Variants in SOX5 observed in about 807,000 individuals in gnomAD.
The protein encoded by SOX5 is SRY-box transcription factor 5.
A neutral mutation model predicts 92.0 loss-of-function variants in SOX5; 9 were observed. That is an observed-to-expected ratio of 0.10 (90% CI 0.06 to 0.17). SOX5 has a LOEUF of 0.17. Among genes scored for constraint, SOX5 ranks in the 10% least tolerant of loss-of-function variants. The pLI is 1.00. For missense variants in SOX5, 642 were observed against 944.5 expected (o/e 0.68, Z 4.20); for synonymous variants, 344 against 336.3 (o/e 1.02, Z -0.25).
At chr12:23,771,886 C>T (rs1469054635) in intron 3 of SOX5, among the ~76,000 whole-genome samples, 1 of 152,122 alleles carries the variant, frequency 6.6e-6, no homozygotes, top group Non-Finnish European at 1.5e-5. Flanking sequence ...CTGCTTTAAC[C>T]CACCTTGGTA....
intron 5 of SOX5, among the ~76,000 whole-genome samples, chr12:23,739,011 G>A (rs1215267255): frequency 6.6e-6 from 1 of 152,182 alleles, no homozygotes; most frequent in Non-Finnish European, 1.5e-5. Context: ...ACCAAGTAGA[G>A]AAGAGTACAA....
At chr12:23,621,980 G>A (rs1213637489) in intron 8 of SOX5, among the ~76,000 whole-genome samples, 1 of 152,098 alleles carries the variant, frequency 6.6e-6, no homozygotes, top group Non-Finnish European at 1.5e-5. Flanking sequence ...AGATAGATGG[G>A]ACACACCAAC....
intron 1 of SOX5, among the ~76,000 whole-genome samples, chr12:23,948,382 A>T (rs1555446037): frequency 1.3e-5 from 2 of 151,954 alleles, no homozygotes; most frequent in Admixed American, 1.3e-4. Context: ...CCATTGCTTC[A>T]CTTCTAGAAT....
At chr12:24,396,902 A>G (rs148911213) in intron 1 of SOX5, among the ~76,000 whole-genome samples, 6 of 152,358 alleles carry the variant, frequency 3.9e-5, no homozygotes, top group East Asian at 1.9e-4. Flanking sequence ...GTACTGCTCT[A>G]TAACAAGGAG....
intron 4 of SOX5, among the ~76,000 whole-genome samples, chr12:23,970,036 GC>G (rs1394063738): frequency 1.3e-5 from 2 of 152,144 alleles, no homozygotes; most frequent in African/African-American, 4.8e-5. Flanking sequence ...AAATGAAGAA[GC>G]ATGTCAGCGT....
chr12:24,301,260 A>G (rs939574994), intron 2 of SOX5, among the ~76,000 whole-genome samples: 1 of 152,150 alleles, frequency 6.6e-6, no homozygotes, highest in African/African-American at 2.4e-5. Context: ...GACCTATTCC[A>G]CTTTATACTG....
intron 1 of SOX5, among the ~76,000 whole-genome samples, chr12:24,440,295 G>A (rs1220910944): frequency 6.6e-6 from 1 of 152,156 alleles, no homozygotes; most frequent in Admixed American, 6.5e-5. Context: ...ATCTACTCTA[G>A]TCTCTTTCTG....
chr12:24,054,985 C>T (rs533326420), intron 4 of SOX5, among the ~76,000 whole-genome samples: 29 of 152,088 alleles, frequency 1.9e-4, no homozygotes, highest in Middle Eastern at 3.4e-3. Flanking sequence ...TTTTCCTGTA[C>T]ACATTTTTTA....
chr12:23,902,283 T>C (rs1037974866), intron 1 of SOX5, among the ~76,000 whole-genome samples: 3 of 152,170 alleles, frequency 2.0e-5, no homozygotes, highest in African/African-American at 7.2e-5. Flanking sequence ...GCTTTCCTTA[T>C]ATAGTACATT....
At chr12:23,713,183 G>A (rs929659023) in intron 6 of SOX5, among the ~76,000 whole-genome samples, 2 of 151,814 alleles carry the variant, frequency 1.3e-5, no homozygotes, top group Non-Finnish European at 2.9e-5. Flanking sequence ...CTAGAGTCAC[G>A]CATCTACAAG....
chr12:24,191,891 A>G (rs763484371), intron 4 of SOX5, among the ~76,000 whole-genome samples: 11 of 152,176 alleles, frequency 7.2e-5, no homozygotes, highest in Non-Finnish European at 1.3e-4. Context: ...GGGAAGATCA[A>G]AGCTCTATCA....
chr12:23,794,203 C>G (rs1399974996), intron 3 of SOX5, among the ~76,000 whole-genome samples: 2 of 151,932 alleles, frequency 1.3e-5, no homozygotes, highest in African/African-American at 4.8e-5. Flanking sequence ...GTGCTGTTTA[C>G]TGGTTTATTT....
chr12:24,455,775 A>G (rs917426120), intron 1 of SOX5, among the ~76,000 whole-genome samples: 11 of 152,170 alleles, frequency 7.2e-5, no homozygotes, highest in Non-Finnish European at 1.6e-4. Flanking sequence ...ATGTCCCTCC[A>G]GGACCAAGGC....
At chr12:24,165,032 T>C (rs947071454) in intron 4 of SOX5, among the ~76,000 whole-genome samples, 2 of 152,098 alleles carry the variant, frequency 1.3e-5, no homozygotes, top group African/African-American at 4.8e-5. Flanking sequence ...TCTAGATATC[T>C]TGCAAACACC....
At chr12:23,580,053 A>G (rs1270113291) in intron 9 of SOX5, among the ~76,000 whole-genome samples, 2 of 152,090 alleles carry the variant, frequency 1.3e-5, no homozygotes, top group Non-Finnish European at 2.9e-5. Flanking sequence ...ATAAGCATTT[A>G]TGTTTAAGTA....
intron 1 of SOX5, among the ~76,000 whole-genome samples, chr12:24,513,829 A>G (rs930690212): frequency 3.9e-5 from 6 of 152,200 alleles, no homozygotes; most frequent in African/African-American, 1.4e-4. Context: ...AACCTTAGAG[A>G]TTTTCGAACA....
intron 3 of SOX5, among the ~76,000 whole-genome samples, chr12:23,809,871 T>G (rs974310190): frequency 1.3e-5 from 2 of 151,456 alleles, no homozygotes; most frequent in African/African-American, 4.9e-5. Context: ...TAGCTTAGAA[T>G]GCCACTAATG....
intron 9 of SOX5, among the ~76,000 whole-genome samples, chr12:23,586,292 GTA>G (rs1950731992): frequency 6.6e-6 from 1 of 152,056 alleles, no homozygotes; most frequent in Non-Finnish European, 1.5e-5. Flanking sequence ...CCCCCAAGTG[GTA>G]GGTTAATTCT....
At chr12:23,611,510 A>T (rs1178747196) in intron 8 of SOX5, among the ~76,000 whole-genome samples, 1 of 152,102 alleles carries the variant, frequency 6.6e-6, no homozygotes, top group African/African-American at 2.4e-5. Context: ...GAGTACAGAT[A>T]TCTCTTCAAC....
Sources: gnomAD v4.1 joint callset for allele counts (sites outside exome capture counted in the v4.1 genomes callset) on GRCh38, gnomAD v4.1.1 for gene constraint, MANE v1.5 for transcripts, NCBI Gene and HGNC (gene_info 2026-07-23, HGNC 2026-07-21) for gene names.